DGKH: variants seen among roughly 807,000 people sequenced by gnomAD.
DGKH encodes diacylglycerol kinase eta.
DGKH carries 90 observed loss-of-function variants against 159.3 expected under a neutral mutation model. The ratio of observed to expected loss-of-function variants is 0.57; its 90% CI spans 0.48 to 0.67. The LOEUF is 0.67. Ranked by LOEUF, DGKH falls within the 30% of genes least tolerant of loss-of-function variation. DGKH has a pLI of 0.00. For synonymous variants in DGKH, 536 were observed against 553.8 expected (o/e 0.97, Z 0.45); for missense variants, 1,181 against 1,506.1 (o/e 0.78, Z 3.57).
intron 3 of DGKH, among the ~76,000 whole-genome samples, chr13:42,136,537 G>A: frequency 6.6e-6 from 1 of 152,186 alleles, no homozygotes; most frequent in South Asian, 2.1e-4. Context: ...ACTCTTAAAT[G>A]AGTCACAATT....
At chr13:42,069,415 G>A (rs1456125729) in intron 1 of DGKH, 2 of 1,539,154 alleles carry the variant, frequency 1.3e-6, no homozygotes, top group Admixed American at 3.8e-5. Context: ...TTCAATTCTA[G>A]TTGGGACACT....
intron 3 of DGKH, among the ~76,000 whole-genome samples, chr13:42,143,757 A>AT (rs1344863395): frequency 6.6e-6 from 1 of 151,794 alleles, no homozygotes; most frequent in Non-Finnish European, 1.5e-5. Flanking sequence ...CCCCTTTATC[A>AT]TTTTTTATTG....
downstream of DGKH, among the ~76,000 whole-genome samples, chr13:42,243,111 G>A (rs1321077637): frequency 6.6e-6 from 1 of 152,140 alleles, no homozygotes; most frequent in Non-Finnish European, 1.5e-5. Flanking sequence ...ATGCTGAACA[G>A]TTCTATCACC....
chr13:42,215,991 A>T (rs1332488597), intron 26 of DGKH, among the ~76,000 whole-genome samples: 1 of 152,246 alleles, frequency 6.6e-6, no homozygotes, highest in African/African-American at 2.4e-5. Flanking sequence ...ATTATTGCAC[A>T]CAAGTAGAGG....
At chr13:42,178,272 G>T in intron 13 of DGKH, 52 bp downstream of exon 13, 2 of 1,394,172 alleles carry the variant, frequency 1.4e-6, no homozygotes, top group Admixed American at 1.9e-5. Flanking sequence ...AATGATAGCT[G>T]GCTCCTACCA....
At chr13:42,173,323 C>T (rs1261398261) in intron 11 of DGKH, among the ~76,000 whole-genome samples, 1 of 152,106 alleles carries the variant, frequency 6.6e-6, no homozygotes, top group African/African-American at 2.4e-5. Flanking sequence ...ACTCTTCTTC[C>T]CAAATTTTGA....
chr13:42,237,798 T>G lies in DGKH; in HGVS notation c.*8610T>G, dbSNP rs1958447875. 1 of 152,212 alleles carries G rather than the reference T, an allele frequency of 6.6e-6. No individual in the cohort carries two copies. Among genetic ancestry groups the G allele is most frequent in the African/African-American group, 2.4e-5 (1 of 41,456 alleles). 9.4% of individuals were successfully genotyped at this position (152,212 alleles called of 1,614,324 possible). On this transcript the variant is annotated 3_prime_UTR_variant, in exon 30 of 30. Coordinates refer to ENST00000337343, the MANE Select transcript of DGKH (RefSeq NM_178009.5). ...CAGTGATTGATGTCTGGAGAACTAGTCAGACACACTTAGCTGGTTCCTATA... is the reference window on the plus strand; with the variant it reads ...CAGTGATTGATGTCTGGAGAACTAGGCAGACACACTTAGCTGGTTCCTATA...
chr13:42,078,373 A>G (rs565367596), intron 1 of DGKH, among the ~76,000 whole-genome samples: 2 of 152,296 alleles, frequency 1.3e-5, no homozygotes, highest in African/African-American at 4.8e-5. Context: ...GCTGTCTCAT[A>G]CCTACAGGGC....
intron 1 of DGKH, among the ~76,000 whole-genome samples, chr13:42,102,668 G>T (rs1170189): frequency 6.6e-6 from 1 of 152,128 alleles, no homozygotes; most frequent in Non-Finnish European, 1.5e-5. Context: ...TAGCCCAGAT[G>T]GGGGAGAGGA....
intron 13 of DGKH, among the ~76,000 whole-genome samples, chr13:42,186,674 A>G (rs909890202): frequency 6.6e-6 from 1 of 152,196 alleles, no homozygotes; most frequent in Non-Finnish European, 1.5e-5. Context: ...TGACAATCTT[A>G]TTTTTGTTCA....
chr13:42,051,827 A>C (rs1881339968), intron 1 of DGKH, among the ~76,000 whole-genome samples: 1 of 151,598 alleles, frequency 6.6e-6, no homozygotes, highest in Non-Finnish European at 1.5e-5. Context: ...CACCACACCC[A>C]GCTAATTTTT....
At chr13:42,050,896 A>G (rs1881235312) in intron 1 of DGKH, among the ~76,000 whole-genome samples, 2 of 152,244 alleles carry the variant, frequency 1.3e-5, no homozygotes. Context: ...TGTATGTTAC[A>G]TATTTATATG....
intron 20 of DGKH, among the ~76,000 whole-genome samples, chr13:42,202,560 T>C (rs1704714325): frequency 6.6e-6 from 1 of 152,234 alleles, no homozygotes; most frequent in South Asian, 2.1e-4. Context: ...ATAATGATTT[T>C]ATGCAAATCA....
chr13:42,048,637 G>T, upstream of DGKH: 1 of 1,112,492 alleles, frequency 9.0e-7, no homozygotes, highest in Non-Finnish European at 1.1e-6. This position sits in a 1 kb window ranked among gnomAD's most constrained non-coding sequence, Gnocchi z 6.7. Context: ...CTTACCTCGC[G>T]GGGGTAGCTA....
chr13:42,143,279 G>A (rs1287006567), intron 3 of DGKH, among the ~76,000 whole-genome samples: 9 of 152,168 alleles, frequency 5.9e-5, no homozygotes, highest in Non-Finnish European at 1.5e-5. Context: ...GCTTTTTGAT[G>A]TGCTGCTGGA....
rs1955885657 is a variant in DGKH, at chr13:42,151,506, TATACACATGTATATATATACAC to T, written c.385-3784_385-3763del. 9.8e-5 allele frequency among the ~76,000 whole-genome samples: 11 copies of T among 112,734 alleles called. No individual in the cohort carries two copies. The South Asian group carries it at 1.2e-3, about 12-fold the overall frequency. 74.0% of individuals were successfully genotyped at this position (112,734 alleles called of 152,430 possible). ...GTGTGTGTGTGTGTGTGTGTGTGTGTATACACATGTATATATATACACGTGTATATATATATATACACGTGTA... is the reference window on the plus strand; with the variant it reads ...GTGTGTGTGTGTGTGTGTGTGTGTGTGTGTATATATATATATACACGTGTA... On this transcript the variant is annotated intron_variant, in intron 3 of 29. Transcript: ENST00000337343.
At chr13:42,207,033 C>CTT (rs1341486330) in intron 21 of DGKH, among the ~76,000 whole-genome samples, 1,018 of 96,002 alleles carry the variant, frequency 0.011, 64 homozygotes, top group Admixed American at 0.016. Flanking sequence ...CTTTTTCTTT[C>CTT]TTTCTTTCCT....
In DGKH at chr13:42,235,894, G is replaced by T. The variant is rs1185707177; in HGVS notation, c.*6706G>T. ...GTTAAAATGTCTATTTATACAACAG[G>T]TTTCTCCTTTTGCTGTTATTTTCAT... On this transcript the variant is annotated 3_prime_UTR_variant, in exon 30 of 30. Transcript: ENST00000337343. The T allele has an allele frequency of 6.6e-6, 1 of 151,876 alleles. No individual in the cohort carries two copies. Among genetic ancestry groups the T allele is most frequent in the Non-Finnish European group, 1.5e-5 (1 of 67,928 alleles). 9.4% of individuals were successfully genotyped at this position (151,876 alleles called of 1,614,324 possible).
chr13:42,256,020 A>T, intron 30 of DGKH: 2 of 1,543,968 alleles, frequency 1.3e-6, no homozygotes, highest in Non-Finnish European at 1.8e-6. Flanking sequence ...ACGATAGCAA[A>T]TAATATTCGT....
Sources: gnomAD v4.1 joint callset for allele counts (sites outside exome capture counted in the v4.1 genomes callset) on GRCh38, gnomAD v4.1.1 for gene constraint, Gnocchi (gnomAD v3.1) non-coding constraint, MANE v1.5 for transcripts, NCBI Gene and HGNC (gene_info 2026-07-23, HGNC 2026-07-21) for gene names.